Variants in ERC2 observed in about 807,000 individuals in gnomAD.
ERC2 encodes ERC protein 2.
Under a neutral mutation model 114.8 loss-of-function variants are expected in ERC2, and 42 were observed. That is an observed-to-expected ratio of 0.37 (90% CI 0.29 to 0.47). The LOEUF (loss-of-function observed/expected upper bound fraction) is 0.47, where lower values mean the gene tolerates loss of function less well. Among genes scored for constraint, ERC2 ranks in the 20% least tolerant of loss-of-function variants. The pLI, the probability that ERC2 is intolerant of heterozygous loss-of-function variation, is 0.99. For synonymous variants in ERC2, 454 were observed against 425.5 expected (o/e 1.07, Z -0.82); for missense variants, 939 against 1,150.7 (o/e 0.82, Z 2.66).
chr3:55,676,448 T>TTAG (rs2061817455), intron 17 of ERC2, among the ~76,000 whole-genome samples: 2 of 147,294 alleles, frequency 1.4e-5, no homozygotes, highest in Admixed American at 1.4e-4. Flanking sequence ...CTGCTTATTA[T>TTAG]TATTATTATT....
At chr3:56,115,963 T>C (rs527563566) in intron 6 of ERC2, among the ~76,000 whole-genome samples, 16 of 152,150 alleles carry the variant, frequency 1.1e-4, no homozygotes, top group Non-Finnish European at 1.5e-4. Context: ...GCAGAGCCCA[T>C]TGAGATTATT....
At chr3:56,010,997 C>A (rs2072884520) in intron 8 of ERC2, among the ~76,000 whole-genome samples, 2 of 152,296 alleles carry the variant, frequency 1.3e-5, no homozygotes, top group South Asian at 4.1e-4. Context: ...CTTTGCTTAG[C>A]CTCTCCATTT....
intron 14 of ERC2, among the ~76,000 whole-genome samples, chr3:55,877,182 A>T (rs182162033): frequency 2.0e-3 from 308 of 152,296 alleles, no homozygotes; most frequent in Non-Finnish European, 3.7e-3. Context: ...GTGTCATAGG[A>T]TATTTAGCAG....
At chr3:56,077,604 T>C (rs1051742843) in intron 7 of ERC2, among the ~76,000 whole-genome samples, 7 of 152,220 alleles carry the variant, frequency 4.6e-5, no homozygotes, top group Non-Finnish European at 1.0e-4. Flanking sequence ...CTGAGAAAAC[T>C]GTTGTCATTT....
At chr3:56,136,172 C>T (rs1032775685) in intron 6 of ERC2, among the ~76,000 whole-genome samples, 19 of 152,124 alleles carry the variant, frequency 1.2e-4, no homozygotes, top group African/African-American at 4.3e-4. Flanking sequence ...CTTCATCCTA[C>T]CAACTCCCAA....
chr3:55,603,891 C>A (rs1353235947), intron 17 of ERC2, among the ~76,000 whole-genome samples: 1 of 152,066 alleles, frequency 6.6e-6, no homozygotes, highest in African/African-American at 2.4e-5. Flanking sequence ...AATATGGTCA[C>A]CATCCTTTCT....
At chr3:56,446,625 C>CTTTTTTTTTTTTTTT (rs1318263302) in intron 1 of ERC2, among the ~76,000 whole-genome samples, 99 of 112,316 alleles carry the variant, frequency 8.8e-4, no homozygotes, top group East Asian at 1.6e-3. Flanking sequence ...TTTTTTTTTT[C>CTTTTTTTTTTTTTTT]TTTCTTTTTT....
chr3:55,834,307 AT>A (rs1188602679), intron 14 of ERC2, among the ~76,000 whole-genome samples: 2 of 151,986 alleles, frequency 1.3e-5, no homozygotes, highest in African/African-American at 4.8e-5. Flanking sequence ...CAGAATATAC[AT>A]TTTTTTCAGC....
At chr3:55,924,478 G>A (rs775010375) in intron 13 of ERC2, among the ~76,000 whole-genome samples, 2 of 151,962 alleles carry the variant, frequency 1.3e-5, no homozygotes, top group African/African-American at 4.8e-5. Context: ...TCTCTGTAGG[G>A]GCCTTTTTAC....
chr3:56,311,349 G>A (rs2056565812), intron 2 of ERC2, among the ~76,000 whole-genome samples: 1 of 146,362 alleles, frequency 6.8e-6, no homozygotes, highest in African/African-American at 2.6e-5. Context: ...ACCCAGGCTG[G>A]AGTGCAGTGG....
At chr3:55,767,409 C>T (rs1371673180) in intron 14 of ERC2, among the ~76,000 whole-genome samples, 2 of 152,180 alleles carry the variant, frequency 1.3e-5, no homozygotes, top group Non-Finnish European at 2.9e-5. Flanking sequence ...TTTCCACTGG[C>T]CGTCTTAACT....
intron 17 of ERC2, among the ~76,000 whole-genome samples, chr3:55,662,746 G>A (rs1037685363): frequency 1.3e-5 from 2 of 152,070 alleles, no homozygotes; most frequent in Non-Finnish European, 2.9e-5. Flanking sequence ...TAAGGGTAGG[G>A]GCATATAGGT....
At chr3:55,605,975 C>T (rs1010449249) in intron 17 of ERC2, among the ~76,000 whole-genome samples, 5 of 150,864 alleles carry the variant, frequency 3.3e-5, no homozygotes, top group Admixed American at 2.0e-4. Flanking sequence ...TCAGAGCCAA[C>T]AGATGAGAAT....
chr3:56,341,280 G>A (rs1344873940), intron 2 of ERC2, among the ~76,000 whole-genome samples: 1 of 152,086 alleles, frequency 6.6e-6, no homozygotes, highest in Non-Finnish European at 1.5e-5. Context: ...GTAGAGCTCT[G>A]GAAACCTATA....
intron 14 of ERC2, among the ~76,000 whole-genome samples, chr3:55,850,873 C>CACACACAG (rs2061540853): frequency 6.6e-6 from 1 of 151,536 alleles, no homozygotes; most frequent in Admixed American, 6.6e-5. Flanking sequence ...CACACACACA[C>CACACACAG]ACACACACAC....
At chr3:56,161,095 T>C (rs1022782715) in intron 4 of ERC2, among the ~76,000 whole-genome samples, 2 of 152,192 alleles carry the variant, frequency 1.3e-5, no homozygotes, top group African/African-American at 4.8e-5. Context: ...AGTGAATTCT[T>C]GCTCAGTTAG....
At chr3:55,669,589 T>C (rs1486350372) in intron 17 of ERC2, among the ~76,000 whole-genome samples, 1 of 152,266 alleles carries the variant, frequency 6.6e-6, no homozygotes, top group African/African-American at 2.4e-5. Flanking sequence ...TTTCTTGTAA[T>C]GGCTGAAAAG....
chr3:56,054,742 C>T (rs2075930422), intron 7 of ERC2, among the ~76,000 whole-genome samples: 1 of 152,120 alleles, frequency 6.6e-6, no homozygotes, highest in Non-Finnish European at 1.5e-5. Flanking sequence ...AAATATGGGT[C>T]ATCTCTTTTA....
intron 17 of ERC2, among the ~76,000 whole-genome samples, chr3:55,663,497 C>G (rs1390230791): frequency 6.6e-6 from 1 of 152,176 alleles, no homozygotes; most frequent in Non-Finnish European, 1.5e-5. Context: ...CTTTCAGCTT[C>G]AAAGAAACAG....
Sources: allele counts gnomAD v4.1 joint callset (sites outside exome capture counted in the v4.1 genomes callset), GRCh38; gene constraint gnomAD v4.1.1; transcripts MANE v1.5; gene names NCBI Gene and HGNC (gene_info 2026-07-23, HGNC 2026-07-21).